The following ITPK1 variants were observed in gnomAD, a reference collection of about 807,000 sequenced individuals.
The protein encoded by ITPK1 is inositol-tetrakisphosphate 1-kinase.
In ITPK1, 21 loss-of-function variants were observed where a neutral mutation model predicts 45.3. The observed-to-expected ratio is 0.46, with a 90% CI of 0.33 to 0.67. The LOEUF (loss-of-function observed/expected upper bound fraction) is 0.67. ITPK1 is among the 30% of genes least tolerant of loss of function. ITPK1 has a pLI of 0.02. For missense variants in ITPK1, 474 were observed against 573.5 expected, an observed-to-expected ratio of 0.83 and a Z score of 1.77; for synonymous variants, 258 against 253.6, an observed-to-expected ratio of 1.02 and a Z score of -0.16.
intron 3 of ITPK1, among the ~76,000 whole-genome samples, chr14:93,022,203 G>A (rs186871321): frequency 5.3e-5 from 8 of 152,324 alleles, no homozygotes; most frequent in Admixed American, 5.2e-4. Context: ...CCAAGAGCAG[G>A]CAAAGGATAA....
chr14:92,999,509 G>A (rs1887232280), intron 4 of ITPK1, among the ~76,000 whole-genome samples: 1 of 152,212 alleles, frequency 6.6e-6, no homozygotes, highest in South Asian at 2.1e-4. Context: ...CGCTGCTTAG[G>A]AAATCTCTCC....
intron 3 of ITPK1, among the ~76,000 whole-genome samples, chr14:93,017,522 C>T (rs1245654120): frequency 6.6e-6 from 1 of 152,250 alleles, no homozygotes; most frequent in South Asian, 2.1e-4. Context: ...CAACAGTCAG[C>T]GTCACCTGAC....
chr14:93,044,242 G>A (rs1292578191), intron 3 of ITPK1, among the ~76,000 whole-genome samples: 2 of 152,326 alleles, frequency 1.3e-5, no homozygotes, highest in East Asian at 3.9e-4. Context: ...TTAAACACTG[G>A]CAACAAATTC....
chr14:92,954,013 C>G (rs1888083139), intron 8 of ITPK1, among the ~76,000 whole-genome samples: 1 of 152,190 alleles, frequency 6.6e-6, no homozygotes, highest in South Asian at 2.1e-4. Flanking sequence ...CCTGCCTCAG[C>G]CTCCTGAGTA....
Position 92,951,811 on chromosome 14 carries a change from G to A in ITPK1, c.738+135C>T. On this transcript the variant is annotated intron_variant, in intron 9 of 10. Coordinates refer to ENST00000267615, the MANE Select transcript of ITPK1 (RefSeq NM_014216.6). ...GGGGCTCTGGAACCTCCTGGGGCCTGTGGCATGGAGGCAAACGTCCTTCCC... is the reference window on the plus strand; with the variant it reads ...GGGGCTCTGGAACCTCCTGGGGCCTATGGCATGGAGGCAAACGTCCTTCCC... 4.4e-6 allele frequency: 3 copies of A among 684,258 alleles called. No homozygotes were observed. In the South Asian group the frequency reaches 5.2e-5, roughly 12 times the overall value. 42.4% of individuals were successfully genotyped at this position (684,258 alleles called of 1,614,324 possible).
intron 9 of ITPK1, among the ~76,000 whole-genome samples, chr14:92,949,301 C>T (rs548676369): frequency 1.4e-4 from 21 of 152,256 alleles, no homozygotes; most frequent in African/African-American, 4.3e-4. Flanking sequence ...GATCTCACTA[C>T]GTTTCCCAGG....
At chr14:93,065,970 T>C (rs1319454717) in intron 3 of ITPK1, among the ~76,000 whole-genome samples, 1 of 152,214 alleles carries the variant, frequency 6.6e-6, no homozygotes, top group Admixed American at 6.5e-5. Context: ...TGAATGCACA[T>C]CATATAGAAA....
At position 92,962,747 on chromosome 14, in the gene ITPK1, G is replaced by T; in HGVS notation, c.463+4C>A. Reference sequence around the variant, plus strand: ...CCCTCAGGTGGAGCTGGGATGGTACGCACTGAATGGGAAAGTCAAGCCGTT... The same window carrying T: ...CCCTCAGGTGGAGCTGGGATGGTACTCACTGAATGGGAAAGTCAAGCCGTT... On this transcript the variant is annotated splice_donor_region_variant and intron_variant, in intron 6 of 10. Transcript: ENST00000267615. 1 of 1,605,706 alleles carries T rather than the reference G, an allele frequency of 6.2e-7. No homozygotes were observed. The highest frequency in any genetic ancestry group is 8.5e-7 in the Non-Finnish European group (1 of 1,172,434).
chr14:92,992,066 C>T (rs1886817925), intron 5 of ITPK1, among the ~76,000 whole-genome samples: 1 of 152,224 alleles, frequency 6.6e-6, no homozygotes, highest in Admixed American at 6.5e-5. Flanking sequence ...AACCCACATG[C>T]CAGAGCCTGT....
At chr14:93,003,898 T>C (rs1887480968) in intron 4 of ITPK1, among the ~76,000 whole-genome samples, 1 of 152,246 alleles carries the variant, frequency 6.6e-6, no homozygotes, top group African/African-American at 2.4e-5. Flanking sequence ...ACTTAAGTTA[T>C]CTGTATCTCA....
intron 8 of ITPK1, among the ~76,000 whole-genome samples, chr14:92,952,847 A>T (rs1334143608): frequency 6.6e-6 from 1 of 152,198 alleles, no homozygotes; most frequent in African/African-American, 2.4e-5. Context: ...GCTTGTAGGC[A>T]CTGGGAAGCA....
intron 2 of ITPK1, among the ~76,000 whole-genome samples, chr14:93,086,277 G>A (rs1215573254): frequency 6.6e-6 from 1 of 152,144 alleles, no homozygotes; most frequent in Admixed American, 6.5e-5. Flanking sequence ...CCTGTGTCCT[G>A]GATGCTGACA....
In ITPK1 at chr14:93,115,087, G is replaced by A. The variant is rs1457029926; in HGVS notation, c.77C>T (p.Ala26Val). 41 of 1,600,074 alleles carry A rather than the reference G, an allele frequency of 2.6e-5. No individual in the cohort carries two copies. The highest frequency in any genetic ancestry group is 3.3e-5 in the Non-Finnish European group (39 of 1,174,750). ...TCCTTACCTGCACAGCTCGGCGAAG[G>A]CCTGGAAATTCAGCTTCTTGATTTT... is the stretch of plus-strand genomic sequence containing the variant. ...EKKIKKLNFQAFAELCRKRGM... is the reference protein window; with the variant it reads ...EKKIKKLNFQVFAELCRKRGM... Residue 26 changes from alanine to valine, a missense_variant, in exon 2 of 11, where the codon GCC becomes GTC. Transcript: ENST00000267615.
chr14:92,994,018 T>C, intron 4 of ITPK1, 21 bp from the exon 5 acceptor site: 1 of 1,543,942 alleles, frequency 6.5e-7, no homozygotes, highest in Non-Finnish European at 9.0e-7. Flanking sequence ...AGCATGCTGC[T>C]CTGGTTAGAG....
intron 4 of ITPK1, among the ~76,000 whole-genome samples, chr14:92,997,637 T>A (rs1337625185): frequency 6.6e-6 from 1 of 152,174 alleles, no homozygotes; most frequent in Non-Finnish European, 1.5e-5. Context: ...TGAGCTTCCG[T>A]ACCATTTTAT....
intron 5 of ITPK1, among the ~76,000 whole-genome samples, chr14:92,980,240 T>A (rs1373935980): frequency 6.6e-6 from 1 of 152,088 alleles, no homozygotes; most frequent in East Asian, 1.9e-4. Context: ...CCAGAACAAG[T>A]CCAGAGAAAA....
At chr14:93,028,345 A>G (rs908523809) in intron 3 of ITPK1, among the ~76,000 whole-genome samples, 4 of 152,198 alleles carry the variant, frequency 2.6e-5, no homozygotes, top group Non-Finnish European at 5.9e-5. Flanking sequence ...CCGGAAACCA[A>G]CCCCCAGAGG....
intron 2 of ITPK1, among the ~76,000 whole-genome samples, chr14:93,079,612 G>A (rs1394119611): frequency 6.6e-6 from 1 of 152,180 alleles, no homozygotes; most frequent in Non-Finnish European, 1.5e-5. Flanking sequence ...CATCCCCTCT[G>A]GTGGTGGAAT....
At chr14:93,011,375 C>A (rs924886255) in intron 4 of ITPK1, among the ~76,000 whole-genome samples, 1 of 152,246 alleles carries the variant, frequency 6.6e-6, no homozygotes, top group Non-Finnish European at 1.5e-5. Flanking sequence ...CCCCCTCCCA[C>A]CAGCTCCCAG....
Sources: gnomAD v4.1 joint callset for allele counts (sites outside exome capture counted in the v4.1 genomes callset) on GRCh38, gnomAD v4.1.1 for gene constraint, MANE v1.5 for transcripts, NCBI Gene and HGNC (gene_info 2026-07-23, HGNC 2026-07-21) for gene names.